The following FNDC3A variants were observed in gnomAD, a reference collection of about 807,000 sequenced individuals.
FNDC3A encodes the protein fibronectin type III domain containing 3A.
Under a neutral mutation model 148.9 loss-of-function variants are expected in FNDC3A, and 32 were observed. The observed-to-expected ratio is 0.21, with a 90% confidence interval of 0.16 to 0.29. FNDC3A has a LOEUF of 0.29. FNDC3A is among the 10% of genes least tolerant of loss of function. The probability of loss-of-function intolerance (pLI) is 1.00; values close to 1 mark genes in which losing one functional copy is unlikely to be tolerated. For synonymous variants in FNDC3A, 472 were observed against 473.6 expected (o/e 1.00, Z 0.04); for missense variants, 1,191 against 1,452.8 (o/e 0.82, Z 2.93).
intron 2 of FNDC3A, among the ~76,000 whole-genome samples, chr13:49,021,895 T>C (rs1873354569): frequency 6.6e-6 from 1 of 152,214 alleles, no homozygotes; most frequent in African/African-American, 2.4e-5. Context: ...TTTTATATTT[T>C]TATATTGATA....
At chr13:49,103,037 C>G (rs1462971143) in intron 3 of FNDC3A, among the ~76,000 whole-genome samples, 1 of 152,196 alleles carries the variant, frequency 6.6e-6, no homozygotes, top group African/African-American at 2.4e-5. Flanking sequence ...TAAGCACTTA[C>G]TGTGTACCAA....
At chr13:49,141,257 C>T (rs1882675381) in intron 7 of FNDC3A, among the ~76,000 whole-genome samples, 1 of 152,190 alleles carries the variant, frequency 6.6e-6, no homozygotes. Flanking sequence ...GTTGTCTTTT[C>T]ATTTGTTCTT....
In FNDC3A at chr13:49,175,525, TG is replaced by T; in HGVS notation, c.1516del (p.Glu506ArgfsTer22). 6.2e-7 allele frequency: 1 copy of T among 1,606,986 alleles called. No homozygotes were observed. Among genetic ancestry groups the T allele is most frequent in the Non-Finnish European group, 8.5e-7 (1 of 1,176,686 alleles). On this transcript the variant is annotated frameshift_variant, in exon 13 of 26. Coordinates refer to ENST00000492622, the MANE Select transcript of FNDC3A (RefSeq NM_001079673.2). LOFTEE classifies it high-confidence loss of function. Reference sequence around the variant, plus strand: ...GAAGGAATTTCTTACATTTTAGAGATGGAGGAAGAAACTTCAGTAAGTGCAA... The same window carrying T: ...GAAGGAATTTCTTACATTTTAGAGATGAGGAAGAAACTTCAGTAAGTGCAA... ...SDEGISYILE[M>X]EEETSGYGFK...
At chr13:49,088,363 A>G (rs756649925) in intron 3 of FNDC3A, among the ~76,000 whole-genome samples, 1 of 152,196 alleles carries the variant, frequency 6.6e-6, no homozygotes, top group African/African-American at 2.4e-5. Flanking sequence ...CAAAGAGATC[A>G]TGTTTGGGCA....
intron 2 of FNDC3A, among the ~76,000 whole-genome samples, chr13:49,068,172 TAAAA>T (rs1209565702): frequency 3.6e-5 from 5 of 137,516 alleles, no homozygotes; most frequent in African/African-American, 1.1e-4. Flanking sequence ...CGTCTTTATT[TAAAA>T]AAAAAAAAAA....
chr13:49,118,326 G>C (rs1362911435), intron 4 of FNDC3A, among the ~76,000 whole-genome samples: 1 of 152,176 alleles, frequency 6.6e-6, no homozygotes, highest in Non-Finnish European at 1.5e-5. Flanking sequence ...TTCCGGCCCA[G>C]ATACCACACT....
At chr13:49,007,743 G>A (rs1051939717) in intron 2 of FNDC3A, among the ~76,000 whole-genome samples, 1 of 151,478 alleles carries the variant, frequency 6.6e-6, no homozygotes, top group Admixed American at 6.6e-5. Context: ...ATAGAGAAAG[G>A]ATCTGGGAAT....
chr13:49,108,231 A>G (rs1449588101), intron 3 of FNDC3A, among the ~76,000 whole-genome samples: 3 of 152,204 alleles, frequency 2.0e-5, no homozygotes, highest in Non-Finnish European at 4.4e-5. Context: ...CTGATAGACA[A>G]GAGTTGGGAT....
chr13:49,110,168 T>C (rs992243866), intron 3 of FNDC3A: 25 of 439,422 alleles, frequency 5.7e-5, no homozygotes, highest in East Asian at 4.2e-4. Flanking sequence ...ATCTTTTTTT[T>C]CCCCTATATC....
intron 2 of FNDC3A, among the ~76,000 whole-genome samples, chr13:49,048,893 C>T (rs144713766): frequency 6.6e-6 from 1 of 152,164 alleles, no homozygotes; most frequent in Non-Finnish European, 1.5e-5. Context: ...TGTCTCGTTC[C>T]AGTTCTCAGG....
chr13:49,104,056 C>G (rs1381361522), intron 3 of FNDC3A, among the ~76,000 whole-genome samples: 2 of 152,032 alleles, frequency 1.3e-5, no homozygotes, highest in African/African-American at 4.8e-5. Flanking sequence ...AAAGTATGAT[C>G]AGGAGGTAGA....
intron 14 of FNDC3A, among the ~76,000 whole-genome samples, chr13:49,182,671 A>G (rs570315324): frequency 1.3e-3 from 197 of 152,072 alleles, no homozygotes; most frequent in Non-Finnish European, 7.8e-4. Context: ...GTCTTTTTAT[A>G]GGTAAAGAGA....
At chr13:49,147,046 G>A (rs997153379) in intron 8 of FNDC3A, among the ~76,000 whole-genome samples, 2 of 152,032 alleles carry the variant, frequency 1.3e-5, no homozygotes, top group African/African-American at 2.4e-5. Context: ...AAACTGCTCC[G>A]GTGCCTCTCA....
At chr13:49,038,199 T>C (rs1351109643) in intron 2 of FNDC3A, among the ~76,000 whole-genome samples, 1 of 152,152 alleles carries the variant, frequency 6.6e-6, no homozygotes, top group Non-Finnish European at 1.5e-5. Context: ...GTTTGGGATT[T>C]ATATGGGTAC....
At chr13:49,133,943 A>G (rs1000897700) in intron 5 of FNDC3A, among the ~76,000 whole-genome samples, 3 of 152,298 alleles carry the variant, frequency 2.0e-5, no homozygotes, top group South Asian at 2.1e-4. Context: ...AGTATGTACT[A>G]ATTGATCTAA....
chr13:49,124,352 G>A (rs1881556811), intron 4 of FNDC3A, among the ~76,000 whole-genome samples: 1 of 152,060 alleles, frequency 6.6e-6, no homozygotes, highest in Non-Finnish European at 1.5e-5. Flanking sequence ...GGGATGGGGA[G>A]CTAGGGGAGG....
chr13:49,081,613 A>T (rs1418090290), intron 3 of FNDC3A, among the ~76,000 whole-genome samples: 1 of 152,180 alleles, frequency 6.6e-6, no homozygotes, highest in Non-Finnish European at 1.5e-5. Context: ...TTTGGGATAT[A>T]TTACTTATAT....
intron 13 of FNDC3A, among the ~76,000 whole-genome samples, chr13:49,178,198 T>TA (rs1332761995): frequency 6.6e-6 from 1 of 152,220 alleles, no homozygotes; most frequent in Non-Finnish European, 1.5e-5. Context: ...GTTAACTACT[T>TA]ACAGTTCTAT....
chr13:49,209,645 A>G lies in FNDC3A; in HGVS notation c.*2250A>G, dbSNP rs1325810320. ...TCATTATTTGCTACCTGTTTAAGAA[A>G]GTGAAATGTTATGGTCTCCCCTCTT... is the stretch of plus-strand genomic sequence containing the variant. On this transcript the variant is annotated 3_prime_UTR_variant, in exon 26 of 26. Transcript: ENST00000492622. The G allele has an allele frequency of 6.6e-6, 1 of 152,606 alleles. No homozygotes were observed. Among genetic ancestry groups the G allele is most frequent in the Admixed American group, 6.5e-5 (1 of 15,274 alleles). The allele number at this position is 152,606 out of a possible 1,614,324, so 9.5% of individuals were successfully genotyped here.
Sources: allele counts gnomAD v4.1 joint callset (sites outside exome capture counted in the v4.1 genomes callset), GRCh38; gene constraint gnomAD v4.1.1; transcripts MANE v1.5; gene names NCBI Gene and HGNC (gene_info 2026-07-23, HGNC 2026-07-21).